The following RELN variants were observed in gnomAD, a reference collection of about 807,000 sequenced individuals.
The protein encoded by RELN is reelin.
A neutral mutation model predicts 427.6 loss-of-function variants in RELN; 108 were observed. The observed-to-expected ratio is 0.25, with a 90% CI of 0.22 to 0.30. The LOEUF is 0.30. Among genes scored for constraint, RELN ranks in the 10% least tolerant of loss-of-function variants. The probability of loss-of-function intolerance (pLI) is 1.00; values close to 1 mark genes in which losing one functional copy is unlikely to be tolerated. For synonymous variants in RELN, 1,524 were observed against 1,513.4 expected, an observed-to-expected ratio of 1.01 and a Z score of -0.16; for missense variants, 3,715 against 4,302.8, an observed-to-expected ratio of 0.86 and a Z score of 3.82.
chr7:103,752,275 C>T (rs908954249), intron 5 of RELN, among the ~76,000 whole-genome samples: 1 of 152,140 alleles, frequency 6.6e-6, no homozygotes. Context: ...TGAGATAAAC[C>T]CAGGCAGTTT....
In RELN at chr7:103,714,576, G is replaced by A. The variant is rs574903143; in HGVS notation, c.805+8564C>T. Among the ~76,000 whole-genome samples the A allele has an allele frequency of 2.3e-3, 349 of 152,340 alleles. 2 individuals are homozygous for A. The highest frequency in any genetic ancestry group is 8.1e-3 in the African/African-American group (338 of 41,576). On this transcript the variant is annotated intron_variant, in intron 8 of 64. Coordinates refer to ENST00000428762, the MANE Select transcript of RELN (RefSeq NM_005045.4). ...TGTGCACATCCCACCATGCAGAGCA[G>A]CTTCTGGCTCTCATGAAATACAGGC...
intron 10 of RELN, among the ~76,000 whole-genome samples, chr7:103,695,393 A>ATT (rs200128328): frequency 6.6e-6 from 1 of 151,888 alleles, no homozygotes; most frequent in African/African-American, 2.4e-5. Flanking sequence ...TACTACAATG[A>ATT]TTTTTTTTCC....
chr7:103,740,350 A>C (rs2116006058), intron 6 of RELN, among the ~76,000 whole-genome samples: 1 of 152,338 alleles, frequency 6.6e-6, no homozygotes, highest in South Asian at 2.1e-4. Flanking sequence ...ACTATTACCC[A>C]AGTTGTTGAC....
intron 8 of RELN, 25 bp downstream of exon 8, chr7:103,723,115 G>T: frequency 6.7e-7 from 1 of 1,489,854 alleles, no homozygotes; most frequent in Non-Finnish European, 9.4e-7. Context: ...AAATTAAATC[G>T]TTATAACTGC....
chr7:103,919,765 C>T (rs991029464), intron 1 of RELN, among the ~76,000 whole-genome samples: 1 of 152,164 alleles, frequency 6.6e-6, no homozygotes, highest in Non-Finnish European at 1.5e-5. Context: ...ACATCCACAA[C>T]CTGGTGCCAT....
chr7:103,941,240 T>C (rs1248582021), intron 1 of RELN, among the ~76,000 whole-genome samples: 1 of 152,210 alleles, frequency 6.6e-6, no homozygotes, highest in African/African-American at 2.4e-5. Context: ...TATTCAAGTT[T>C]CTACTAGACT....
chr7:103,681,010 A>C (rs1833642211), intron 11 of RELN, among the ~76,000 whole-genome samples: 1 of 152,164 alleles, frequency 6.6e-6, no homozygotes, highest in Non-Finnish European at 1.5e-5. Flanking sequence ...ACTGCAGTAG[A>C]AATTCAGAGT....
chr7:103,751,812 A>T (rs555755967), intron 5 of RELN, among the ~76,000 whole-genome samples: 83 of 152,364 alleles, frequency 5.4e-4, no homozygotes, highest in African/African-American at 1.9e-3. Flanking sequence ...AAATAAATTA[A>T]TTGGGTTTAT....
chr7:103,617,747 T>A (rs934379502), intron 20 of RELN, among the ~76,000 whole-genome samples: 78 of 152,120 alleles, frequency 5.1e-4, no homozygotes, highest in African/African-American at 1.8e-3. Flanking sequence ...AATCTCATTT[T>A]GAAATTTGTT....
At chr7:103,624,058 T>G (rs1832274314) in intron 20 of RELN, among the ~76,000 whole-genome samples, 1 of 152,168 alleles carries the variant, frequency 6.6e-6, no homozygotes, top group Non-Finnish European at 1.5e-5. Flanking sequence ...TTTCTAGCTC[T>G]TATGCTAAAT....
chr7:103,933,971 T>G (rs1041227282), intron 1 of RELN, among the ~76,000 whole-genome samples: 8 of 152,188 alleles, frequency 5.3e-5, no homozygotes, highest in Admixed American at 4.6e-4. Flanking sequence ...GGCACCCTGA[T>G]CCCTGCCCAC....
At chr7:103,475,046 C>T (rs1192754823) in intron 64 of RELN, among the ~76,000 whole-genome samples, 1 of 152,164 alleles carries the variant, frequency 6.6e-6, no homozygotes, top group Non-Finnish European at 1.5e-5. Context: ...AAGTCCTCTT[C>T]ATGCTTAATC....
intron 3 of RELN, among the ~76,000 whole-genome samples, chr7:103,787,700 C>G (rs1387176373): frequency 1.3e-5 from 2 of 152,100 alleles, no homozygotes; most frequent in African/African-American, 4.8e-5. Context: ...TAATAGCCTA[C>G]CAACCAAAAG....
At chr7:103,647,350 C>G (rs1444761137) in intron 16 of RELN, among the ~76,000 whole-genome samples, 1 of 151,948 alleles carries the variant, frequency 6.6e-6, no homozygotes, top group East Asian at 1.9e-4. Context: ...TGATAAATGA[C>G]TTCAGTAAAG....
chr7:103,696,354 C>T (rs575770516), intron 10 of RELN, among the ~76,000 whole-genome samples: 1 of 152,136 alleles, frequency 6.6e-6, no homozygotes, highest in Non-Finnish European at 1.5e-5. Context: ...TGAATCCCCA[C>T]TCATAAGGCT....
chr7:103,617,796 G>C (rs1336899292), intron 20 of RELN, among the ~76,000 whole-genome samples: 1 of 151,932 alleles, frequency 6.6e-6, no homozygotes, highest in Admixed American at 6.6e-5. Flanking sequence ...GAGATGTTTG[G>C]GCCATAGCGG....
intron 1 of RELN, among the ~76,000 whole-genome samples, chr7:103,982,670 G>GGA (rs1797016362): frequency 6.6e-6 from 1 of 152,070 alleles, no homozygotes; most frequent in Non-Finnish European, 1.5e-5. Context: ...ACAGTGGGAA[G>GGA]GAGATGGGAA....
chr7:103,910,108 TC>T (rs1175534507), intron 2 of RELN, among the ~76,000 whole-genome samples: 1 of 125,430 alleles, frequency 8.0e-6, no homozygotes, highest in Non-Finnish European at 1.6e-5. Context: ...TTTGTAGTTC[TC>T]CTTGAAGAGG....
chr7:103,981,691 T>C (rs2116843268), intron 1 of RELN, among the ~76,000 whole-genome samples: 1 of 152,332 alleles, frequency 6.6e-6, no homozygotes, highest in East Asian at 1.9e-4. Context: ...TGCCTGAAGA[T>C]ATAAAGGAGG....
Sources: allele counts gnomAD v4.1 joint callset (sites outside exome capture counted in the v4.1 genomes callset), GRCh38; gene constraint gnomAD v4.1.1; transcripts MANE v1.5; gene names NCBI Gene and HGNC (gene_info 2026-07-23, HGNC 2026-07-21).